Variants in NAALADL2 observed in about 807,000 individuals in gnomAD.
The protein encoded by NAALADL2 is N-acetylated alpha-linked acidic dipeptidase like 2.
Under a neutral mutation model 87.2 loss-of-function variants are expected in NAALADL2, and 76 were observed. That is an observed-to-expected ratio of 0.87 (90% CI 0.72 to 1.05). The LOEUF is 1.05. Ranked by LOEUF, NAALADL2 falls within the 50% of genes least tolerant of loss-of-function variation. The pLI is 0.00. For synonymous variants in NAALADL2, 354 were observed against 331.0 expected, an observed-to-expected ratio of 1.07 and a Z score of -0.75; for missense variants, 1,089 against 945.8, an observed-to-expected ratio of 1.15 and a Z score of -1.99.
upstream of NAALADL2, among the ~76,000 whole-genome samples, chr3:174,855,932 A>G (rs1056003288): frequency 6.7e-6 from 1 of 149,422 alleles, no homozygotes; most frequent in Non-Finnish European, 1.5e-5. Flanking sequence ...ATAGATATGA[A>G]TATATATACA....
At chr3:175,070,238 A>G (rs969891568) in intron 1 of NAALADL2, among the ~76,000 whole-genome samples, 2 of 152,114 alleles carry the variant, frequency 1.3e-5, no homozygotes, top group African/African-American at 4.8e-5. Flanking sequence ...CAGTTTTCAA[A>G]ATATTGTCTT....
chr3:175,788,088 GTT>G lies in NAALADL2; in HGVS notation c.2190-14896_2190-14895del, dbSNP rs1004422588. Among the ~76,000 whole-genome samples, 786 of 104,232 alleles carry G rather than the reference GTT, an allele frequency of 7.5e-3. 1 individual carries two copies. Among genetic ancestry groups the G allele is most frequent in the African/African-American group, 0.024 (661 of 27,196 alleles). 68.4% of individuals were successfully genotyped at this position (104,232 alleles called of 152,430 possible). A position where few individuals can be genotyped will look rare whatever the true frequency, so the allele number is the denominator to read the frequency against. On this transcript the variant is annotated intron_variant, in intron 13 of 13. Coordinates refer to ENST00000454872, the MANE Select transcript of NAALADL2 (RefSeq NM_207015.3). ...TACACAGGTGTACAGTTTTTTACCT[GTT>G]TTTTTTTTTTTTTTTTTTTTGAGAC...
chr3:175,026,720 T>G (rs1752275721), intron 1 of NAALADL2, among the ~76,000 whole-genome samples: 1 of 151,266 alleles, frequency 6.6e-6, no homozygotes, highest in Non-Finnish European at 1.5e-5. Context: ...GATGAAAAAA[T>G]ATCTCTGGTT....
chr3:175,226,613 C>A (rs1744191556), intron 2 of NAALADL2, among the ~76,000 whole-genome samples: 1 of 152,018 alleles, frequency 6.6e-6, no homozygotes, highest in Non-Finnish European at 1.5e-5. Flanking sequence ...TGTAAAGTGG[C>A]AACCATAGTA....
intron 4 of NAALADL2, among the ~76,000 whole-genome samples, chr3:175,277,768 G>T (rs1286088430): frequency 6.6e-6 from 1 of 151,906 alleles, no homozygotes; most frequent in African/African-American, 2.4e-5. Context: ...TCACTTCTTA[G>T]CTGCTAAAAG....
At chr3:175,372,044 A>C (rs1766571167) in intron 5 of NAALADL2, among the ~76,000 whole-genome samples, 1 of 152,178 alleles carries the variant, frequency 6.6e-6, no homozygotes, top group South Asian at 2.1e-4. Context: ...CTCTAAAAAA[A>C]GTCCAGCCAT....
chr3:175,158,454 G>A (rs1732646515), intron 2 of NAALADL2, among the ~76,000 whole-genome samples: 2 of 152,104 alleles, frequency 1.3e-5, no homozygotes, highest in African/African-American at 4.8e-5. Flanking sequence ...TTCAGGTAAA[G>A]AGATGCATTG....
At chr3:175,640,716 T>C (rs1457658032) in intron 11 of NAALADL2, among the ~76,000 whole-genome samples, 2 of 152,172 alleles carry the variant, frequency 1.3e-5, no homozygotes, top group Non-Finnish European at 2.9e-5. Context: ...TGTCACACAA[T>C]CAATGTTTGA....
chr3:175,333,688 C>T (rs910060575), intron 5 of NAALADL2, among the ~76,000 whole-genome samples: 2 of 148,562 alleles, frequency 1.3e-5, no homozygotes, highest in East Asian at 2.0e-4. Flanking sequence ...TGGTGGGCGC[C>T]GGGGGGATGA....
chr3:175,533,508 G>C (rs1184981000), intron 9 of NAALADL2, among the ~76,000 whole-genome samples: 1 of 152,162 alleles, frequency 6.6e-6, no homozygotes, highest in Non-Finnish European at 1.5e-5. Flanking sequence ...GGGTCGGGGA[G>C]GGGATGTTGC....
intron 1 of NAALADL2, among the ~76,000 whole-genome samples, chr3:175,074,350 T>C (rs554470652): frequency 2.0e-5 from 3 of 152,244 alleles, no homozygotes; most frequent in Admixed American, 2.0e-4. Flanking sequence ...CCAGATTTAC[T>C]TTATTTATCA....
chr3:175,711,789 A>G (rs1175112107), intron 11 of NAALADL2, among the ~76,000 whole-genome samples: 1 of 151,888 alleles, frequency 6.6e-6, no homozygotes, highest in African/African-American at 2.4e-5. Flanking sequence ...TTGCAGGATG[A>G]CATGTTATAT....
chr3:175,118,957 T>G (rs985221548), intron 2 of NAALADL2, among the ~76,000 whole-genome samples: 2 of 151,740 alleles, frequency 1.3e-5, no homozygotes, highest in South Asian at 4.1e-4. Flanking sequence ...TAGCAAAAAA[T>G]TAAATTGTTG....
At chr3:175,746,064 T>A (rs1335202199) in intron 12 of NAALADL2, among the ~76,000 whole-genome samples, 1 of 152,200 alleles carries the variant, frequency 6.6e-6, no homozygotes, top group Non-Finnish European at 1.5e-5. Flanking sequence ...GTGTGTCTTA[T>A]TGCCACCTCC....
intron 1 of NAALADL2, among the ~76,000 whole-genome samples, chr3:174,924,241 G>T (rs111475077): frequency 0.034 from 4,211 of 123,618 alleles, 232 homozygotes; most frequent in African/African-American, 0.12. Context: ...GCCCCGGTGC[G>T]TGATGTCCCC....
chr3:174,941,235 T>C (rs1738537207), intron 1 of NAALADL2, among the ~76,000 whole-genome samples: 1 of 152,180 alleles, frequency 6.6e-6, no homozygotes, highest in South Asian at 2.1e-4. Context: ...AACTTCTTGA[T>C]TTCTGCCTTA....
At chr3:175,691,180 T>TTA (rs1298678776) in intron 11 of NAALADL2, among the ~76,000 whole-genome samples, 2 of 151,138 alleles carry the variant, frequency 1.3e-5, no homozygotes, top group Admixed American at 6.6e-5. Flanking sequence ...GACAGAAACT[T>TTA]TATATATATG....
chr3:174,788,233 C>A (rs150071739), intron 3 of NAALADL2, among the ~76,000 whole-genome samples: 2 of 152,080 alleles, frequency 1.3e-5, no homozygotes, highest in African/African-American at 4.8e-5. Flanking sequence ...CAATAGAAAT[C>A]GGAATCACTT....
At chr3:175,713,009 T>C (rs1740735802) in intron 11 of NAALADL2, among the ~76,000 whole-genome samples, 1 of 152,102 alleles carries the variant, frequency 6.6e-6, no homozygotes, top group South Asian at 2.1e-4. Flanking sequence ...TCTGTGCCCT[T>C]AATCTAAATG....
Sources: gnomAD v4.1 joint callset for allele counts (sites outside exome capture counted in the v4.1 genomes callset) on GRCh38, gnomAD v4.1.1 for gene constraint, MANE v1.5 for transcripts, NCBI Gene and HGNC (gene_info 2026-07-23, HGNC 2026-07-21) for gene names.